MEGF6: variants seen among roughly 807,000 people sequenced by gnomAD.
MEGF6 encodes multiple epidermal growth factor-like domains protein 6.
MEGF6 carries 184 observed loss-of-function variants against 207.1 expected under a neutral mutation model. The ratio of observed to expected loss-of-function variants is 0.89; its 90% CI spans 0.79 to 1.00. MEGF6 has a LOEUF of 1.00. Among genes scored for constraint, MEGF6 ranks in the 50% least tolerant of loss-of-function variants. MEGF6 has a pLI of 0.00. For synonymous variants in MEGF6, 1,038 were observed against 910.0 expected (o/e 1.14, Z -2.53); for missense variants, 2,282 against 2,202.9 (o/e 1.04, Z -0.72).
intron 1 of MEGF6, among the ~76,000 whole-genome samples, chr1:3,605,363 ACACACT>A (rs1020470590): frequency 4.5e-5 from 5 of 109,978 alleles, no homozygotes; most frequent in Non-Finnish European, 9.5e-5. Context: ...GCACGTTCAC[ACACACT>A]CAATCACACT....
chr1:3,511,583 A>G lies in MEGF6; in HGVS notation c.1081T>C (p.Tyr361His), dbSNP rs1488434478. ...AGPLCTCPRGYELDTDQRTCI... is the reference protein window; with the variant it reads ...AGPLCTCPRGHELDTDQRTCI... ...GTCCTCTGATCTGTGTCCAGCTCGT[A>G]GCCGCGGGGACATGTGCACAGGGGC... is the stretch of plus-strand genomic sequence containing the variant. The change falls in exon 9 of 37, where the codon TAC becomes CAC. Residue 361 changes from tyrosine to histidine, a missense_variant. Coordinates refer to ENST00000356575, the MANE Select transcript of MEGF6 (RefSeq NM_001409.4). The G allele has an allele frequency of 6.2e-7, 1 of 1,611,884 alleles. No individual in the cohort carries two copies. Among genetic ancestry groups the G allele is most frequent in the Admixed American group, 1.7e-5 (1 of 59,978 alleles).
the MEGF6 span, among the ~76,000 whole-genome samples, chr1:3,620,803 C>T: frequency 1.1e-4 from 17 of 152,196 alleles, no homozygotes; most frequent in East Asian, 3.9e-4. Flanking sequence ...GTAGCAGCCC[C>T]GAATGCCTGG....
chr1:3,598,669 C>A (rs1347045282), intron 2 of MEGF6, among the ~76,000 whole-genome samples: 1 of 151,202 alleles, frequency 6.6e-6, no homozygotes, highest in Non-Finnish European at 1.5e-5. Context: ...CGGGCTCCAA[C>A]GCTGGGGAGC....
chr1:3,525,348 A>C (rs1641922384), intron 4 of MEGF6, among the ~76,000 whole-genome samples: 1 of 152,220 alleles, frequency 6.6e-6, no homozygotes, highest in South Asian at 2.1e-4. Flanking sequence ...GGAGTAGGAG[A>C]GCAGGAAGGG....
intron 2 of MEGF6, 62 bp from the exon 3 acceptor site, chr1:3,595,509 C>CTGCACCAG: frequency 1.4e-6 from 2 of 1,393,576 alleles, no homozygotes; most frequent in Non-Finnish European, 2.0e-6. Flanking sequence ...TCGGCTCTCA[C>CTGCACCAG]TGCACCCCTG....
At chr1:3,511,000 C>A in intron 9 of MEGF6, 98 bp from the exon 10 acceptor site, 1 of 1,484,328 alleles carries the variant, frequency 6.7e-7, no homozygotes, top group African/African-American at 1.4e-5. Context: ...ACAACCCACG[C>A]GCCCGACTGC....
the MEGF6 span, among the ~76,000 whole-genome samples, chr1:3,617,711 G>A: frequency 2.0e-5 from 3 of 152,236 alleles, no homozygotes; most frequent in Non-Finnish European, 4.4e-5. Flanking sequence ...AAGGATCTCC[G>A]GATGAGAGCA....
At chr1:3,548,114 C>T (rs965130188) in intron 4 of MEGF6, among the ~76,000 whole-genome samples, 13 of 152,324 alleles carry the variant, frequency 8.5e-5, no homozygotes, top group Admixed American at 5.2e-4. Context: ...AGGCTCAGAG[C>T]CAGTGGAGCC....
In MEGF6 at chr1:3,499,599, C is replaced by T. The variant is rs535529108; in HGVS notation, c.2954G>A (p.Arg985His). The change falls in exon 23 of 37, where the codon CGC (arginine) becomes CAC (histidine). Residue 985 changes from arginine to histidine, a missense_variant. Transcript: ENST00000356575. Reference sequence around the variant, plus strand: ...GGGACCTCACGCACTCTCGGCACAGCGGGGGCCCCGGCGGCCAGCGGGGCA... The same window carrying T: ...GGGACCTCACGCACTCTCGGCACAGTGGGGGCCCCGGCGGCCAGCGGGGCA... ...CLCPAGRRGP[R>H]CAETCPAHTY... 6.3e-6 allele frequency: 10 copies of T among 1,579,828 alleles called. No homozygotes were observed. The highest frequency in any genetic ancestry group is 1.8e-5 in the Admixed American group (1 of 55,154).
At chr1:3,575,772 C>T (rs935116761) in intron 4 of MEGF6, among the ~76,000 whole-genome samples, 1 of 152,198 alleles carries the variant, frequency 6.6e-6, no homozygotes, top group Non-Finnish European at 1.5e-5. Flanking sequence ...CAACCACCTT[C>T]CACTGGGTCC....
rs957601315 is a variant in MEGF6 at position 3,611,409 on chromosome 1, C to A, written c.-141G>T. ...GCGGAGCCCAAGGTCGCTGCAGGTG[C>A]GGAGCGTCCCGGCTTCCCGCCCGCG... On this transcript the variant is annotated 5_prime_UTR_variant, in exon 1 of 37. Coordinates refer to ENST00000356575, the MANE Select transcript of MEGF6 (RefSeq NM_001409.4). 6.8e-6 allele frequency: 8 copies of A among 1,181,636 alleles called. No individual in the cohort carries two copies. The highest frequency in any genetic ancestry group is 8.7e-6 in the Non-Finnish European group (8 of 914,996). The allele number at this position is 1,181,636 out of a possible 1,614,324, so 73.2% of individuals were successfully genotyped here. A position where few individuals can be genotyped will look rare whatever the true frequency, so the allele number is the denominator to read the frequency against.
intron 1 of MEGF6, 110 bp downstream of exon 1, chr1:3,611,028 T>G: frequency 7.0e-6 from 9 of 1,290,768 alleles, no homozygotes; most frequent in Non-Finnish European, 7.0e-6. Context: ...AAACAGCCCA[T>G]TGTTCTGGAG....
chr1:3,615,085 C>T (rs1459006806), upstream of MEGF6, among the ~76,000 whole-genome samples: 1 of 152,252 alleles, frequency 6.6e-6, no homozygotes, highest in Non-Finnish European at 1.5e-5. Context: ...GAAAATTACA[C>T]TGATAATTCC....
intron 4 of MEGF6, among the ~76,000 whole-genome samples, chr1:3,578,005 G>T (rs568924701): frequency 6.6e-6 from 1 of 152,348 alleles, no homozygotes; most frequent in African/African-American, 2.4e-5. Context: ...TGGAGCAGGG[G>T]GCTTGGAGCT....
At chr1:3,528,722 G>C (rs2096100) in intron 4 of MEGF6, among the ~76,000 whole-genome samples, 11,687 of 152,126 alleles carry the variant, frequency 0.077, 616 homozygotes, top group South Asian at 0.14. Flanking sequence ...TTTGAGGATG[G>C]AGGAGGGGCC....
rs986903930 is a variant in MEGF6, at chr1:3,550,126, C to T, written c.482-25880G>A. ...TCTATCAGCAGAAAGTAACGGCTCC[C>T]GACACAAGACATACCCAGAGGCGCC... is the stretch of plus-strand genomic sequence containing the variant. On this transcript the variant is annotated intron_variant, in intron 4 of 36. Coordinates refer to ENST00000356575, the MANE Select transcript of MEGF6 (RefSeq NM_001409.4). 3.3e-5 allele frequency among the ~76,000 whole-genome samples: 5 copies of T among 152,290 alleles called. No individual in the cohort carries two copies. In the East Asian group the frequency reaches 5.8e-4, roughly 18 times the overall value.
intron 3 of MEGF6, among the ~76,000 whole-genome samples, chr1:3,580,468 C>T (rs553146065): frequency 6.6e-6 from 1 of 152,286 alleles, no homozygotes; most frequent in South Asian, 2.1e-4. Context: ...GTGTTGACAG[C>T]GGCTGCCCTG....
intron 1 of MEGF6, among the ~76,000 whole-genome samples, chr1:3,608,469 G>GT (rs138334454): frequency 0.011 from 1,627 of 152,220 alleles, 35 homozygotes; most frequent in African/African-American, 0.037. Context: ...GGAGCCCATG[G>GT]CCCCAGTGGA....
chr1:3,542,568 C>A (rs12065874), intron 4 of MEGF6, among the ~76,000 whole-genome samples: 1 of 151,964 alleles, frequency 6.6e-6, no homozygotes, highest in African/African-American at 2.4e-5. Flanking sequence ...GAGCCCAGGC[C>A]GAGGGGAAGA....
Sources: gnomAD v4.1 joint callset for allele counts (sites outside exome capture counted in the v4.1 genomes callset) on GRCh38, gnomAD v4.1.1 for gene constraint, MANE v1.5 for transcripts, NCBI Gene and HGNC (gene_info 2026-07-23, HGNC 2026-07-21) for gene names.